TMTC2: variants seen among roughly 807,000 people sequenced by gnomAD.
TMTC2 encodes the protein protein O-mannosyl-transferase TMTC2.
Under a neutral mutation model 82.4 loss-of-function variants are expected in TMTC2, and 43 were observed. That is an observed-to-expected ratio of 0.52 (90% CI 0.41 to 0.67). The LOEUF (loss-of-function observed/expected upper bound fraction) is 0.67, where lower values mean the gene tolerates loss of function less well. TMTC2 is among the 30% of genes least tolerant of loss of function. The probability of loss-of-function intolerance (pLI) is 0.00; values close to 1 mark genes in which losing one functional copy is unlikely to be tolerated. For missense variants in TMTC2, 919 were observed against 1,012.4 expected (o/e 0.91, Z 1.25); for synonymous variants, 408 against 381.9 (o/e 1.07, Z -0.80).
At chr12:83,022,961 G>A (rs1012027213) in intron 8 of TMTC2, among the ~76,000 whole-genome samples, 10 of 152,054 alleles carry the variant, frequency 6.6e-5, no homozygotes, top group African/African-American at 1.7e-4. Context: ...TCATGCTAGC[G>A]GACATTGAGT....
intron 9 of TMTC2, among the ~76,000 whole-genome samples, chr12:83,042,357 C>A (rs1881927564): frequency 6.6e-6 from 1 of 152,224 alleles, no homozygotes. Context: ...GCACCCCATT[C>A]TATAAATGAG....
At chr12:82,944,499 C>G (rs1876890438) in intron 4 of TMTC2, among the ~76,000 whole-genome samples, 1 of 149,266 alleles carries the variant, frequency 6.7e-6, no homozygotes, top group African/African-American at 2.5e-5. Flanking sequence ...AAGGCGTGAA[C>G]CCGGGAGATG....
At chr12:82,998,973 G>T (rs1316124510) in intron 8 of TMTC2, among the ~76,000 whole-genome samples, 1 of 152,132 alleles carries the variant, frequency 6.6e-6, no homozygotes, top group Non-Finnish European at 1.5e-5. Context: ...CCCACACTCA[G>T]TTTCCCCTAT....
intron 1 of TMTC2, among the ~76,000 whole-genome samples, chr12:82,766,254 G>A (rs139841389): frequency 1.1e-3 from 168 of 152,264 alleles, no homozygotes; most frequent in South Asian, 6.6e-3. Context: ...ACTTTCCACT[G>A]TAGGCTTCCT....
chr12:82,766,166 A>G (rs923980262), intron 1 of TMTC2, among the ~76,000 whole-genome samples: 3 of 151,964 alleles, frequency 2.0e-5, no homozygotes, highest in African/African-American at 7.3e-5. Context: ...CCAAATTTCT[A>G]CCTATGTTCA....
chr12:82,976,426 T>C (rs1878678268), intron 7 of TMTC2, among the ~76,000 whole-genome samples: 1 of 152,120 alleles, frequency 6.6e-6, no homozygotes, highest in African/African-American at 2.4e-5. Flanking sequence ...TTTTTTTCCA[T>C]GTCTTTCCTG....
chr12:82,823,710 A>G (rs1337333044), intron 1 of TMTC2, among the ~76,000 whole-genome samples: 1 of 152,152 alleles, frequency 6.6e-6, no homozygotes, highest in Non-Finnish European at 1.5e-5. Flanking sequence ...TTTTTACAGA[A>G]AAACCCCAGG....
chr12:82,802,719 T>C (rs1379177610), intron 1 of TMTC2, among the ~76,000 whole-genome samples: 2 of 152,090 alleles, frequency 1.3e-5, no homozygotes, highest in Non-Finnish European at 2.9e-5. Context: ...AAGAATTAAG[T>C]ATAGGGATAA....
intron 6 of TMTC2, among the ~76,000 whole-genome samples, 176 bp from the exon 7 acceptor site, chr12:82,966,743 T>C (rs77360781): frequency 0.065 from 9,842 of 152,234 alleles, 388 homozygotes; most frequent in Middle Eastern, 0.11. Flanking sequence ...AGTGTTTTCA[T>C]TGGTGGAATT....
intron 4 of TMTC2, among the ~76,000 whole-genome samples, chr12:82,931,314 G>T (rs1217197818): frequency 1.3e-5 from 2 of 152,102 alleles, no homozygotes; most frequent in East Asian, 3.8e-4. Context: ...TAAGGTTATG[G>T]TTCTTTTTTG....
intron 3 of TMTC2, among the ~76,000 whole-genome samples, chr12:82,917,079 A>C (rs1203577984): frequency 6.6e-6 from 1 of 152,204 alleles, no homozygotes; most frequent in Admixed American, 6.5e-5. Context: ...CTGGAGTCAC[A>C]TGAAGTGACT....
chr12:83,051,943 C>G (rs1460457961), intron 10 of TMTC2, among the ~76,000 whole-genome samples: 1 of 151,968 alleles, frequency 6.6e-6, no homozygotes, highest in African/African-American at 2.4e-5. Context: ...TGGTTTTAAT[C>G]AAATGATTTA....
Position 83,132,490 on chromosome 12 carries a change from C to T in TMTC2, c.*101C>T, listed in dbSNP as rs889552265. On this transcript the variant is annotated 3_prime_UTR_variant, in exon 12 of 12. Transcript: ENST00000321196. ...TATGACAAGAGCTGGTGTTAGACTTCAAGACCAGGGCAGAGGTCATTGAGG... is the reference window on the plus strand; with the variant it reads ...TATGACAAGAGCTGGTGTTAGACTTTAAGACCAGGGCAGAGGTCATTGAGG... 26 of 1,357,692 alleles carry T rather than the reference C, an allele frequency of 1.9e-5. No homozygotes were observed. The highest frequency in any genetic ancestry group is 2.6e-5 in the Non-Finnish European group (26 of 986,622). The allele number at this position is 1,357,692 out of a possible 1,614,324, so 84.1% of individuals were successfully genotyped here.
intron 1 of TMTC2, among the ~76,000 whole-genome samples, chr12:82,805,456 T>G: frequency 6.6e-6 from 1 of 151,722 alleles, no homozygotes; most frequent in Non-Finnish European, 1.5e-5. Context: ...ACCTCTACAT[T>G]ACTTTTTACA....
chr12:82,788,893 G>A (rs866754972), intron 1 of TMTC2, among the ~76,000 whole-genome samples: 23 of 152,210 alleles, frequency 1.5e-4, no homozygotes, highest in Middle Eastern at 3.4e-3. Context: ...TGGCCTGGAG[G>A]AGTGGCTCAT....
chr12:83,077,741 A>T (rs1883331551), intron 11 of TMTC2, among the ~76,000 whole-genome samples: 1 of 151,156 alleles, frequency 6.6e-6, no homozygotes, highest in African/African-American at 2.4e-5. Flanking sequence ...CGCCCAGCTA[A>T]TTTTTGTATT....
At chr12:82,947,305 G>C (rs1877059643) in intron 4 of TMTC2, among the ~76,000 whole-genome samples, 1 of 151,908 alleles carries the variant, frequency 6.6e-6, no homozygotes, top group Non-Finnish European at 1.5e-5. Flanking sequence ...TCCTGAAACT[G>C]GGTGTTGGAG....
At chr12:82,812,966 G>A (rs952982199) in intron 1 of TMTC2, among the ~76,000 whole-genome samples, 5 of 151,954 alleles carry the variant, frequency 3.3e-5, no homozygotes, top group African/African-American at 4.8e-5. Context: ...GTTATTTGCC[G>A]TCACACTGTG....
At position 82,883,878 on chromosome 12, in the gene TMTC2, G is replaced by A. The variant is rs369181715; in HGVS notation, c.655-11940G>A. 2.6e-4 allele frequency among the ~76,000 whole-genome samples: 40 copies of A among 152,176 alleles called. No individual in the cohort carries two copies. In the East Asian group the frequency reaches 5.6e-3, roughly 21 times the overall value. On this transcript the variant is annotated intron_variant, in intron 2 of 11. Transcript: ENST00000321196. ...CAAGAGAAGTATCTTCTTTACTTTC[G>A]TTTAAAACTTTTTTTGTTGTTGTTT...
Sources: allele counts gnomAD v4.1 joint callset (sites outside exome capture counted in the v4.1 genomes callset), GRCh38; gene constraint gnomAD v4.1.1; transcripts MANE v1.5; gene names NCBI Gene and HGNC (gene_info 2026-07-23, HGNC 2026-07-21).